Variants in CFAP20DC observed in about 807,000 individuals in gnomAD.
The protein encoded by CFAP20DC is protein CFAP20DC.
In CFAP20DC, 84 loss-of-function variants were observed where a neutral mutation model predicts 101.7. The ratio of observed to expected loss-of-function variants is 0.83; its 90% CI spans 0.69 to 0.99. The LOEUF (loss-of-function observed/expected upper bound fraction) is 0.99. CFAP20DC is among the 50% of genes least tolerant of loss of function. The pLI is 0.00. For synonymous variants in CFAP20DC, 359 were observed against 351.2 expected, an observed-to-expected ratio of 1.02 and a Z score of -0.25; for missense variants, 1,007 against 970.3, an observed-to-expected ratio of 1.04 and a Z score of -0.50.
intron 15 of CFAP20DC, among the ~76,000 whole-genome samples, chr3:58,802,849 T>C (rs1290248992): frequency 1.3e-5 from 2 of 152,160 alleles, no homozygotes; most frequent in Non-Finnish European, 2.9e-5. Context: ...TCTTTAATTT[T>C]AATCCTGCAC....
intron 4 of CFAP20DC, among the ~76,000 whole-genome samples, chr3:59,021,695 T>G (rs1385569809): frequency 1.3e-5 from 2 of 152,082 alleles, no homozygotes; most frequent in Non-Finnish European, 2.9e-5. Flanking sequence ...CAGCCATTAT[T>G]GTCCATATGC....
At chr3:58,801,631 A>AC (rs1230935377) in intron 15 of CFAP20DC, among the ~76,000 whole-genome samples, 7 of 152,100 alleles carry the variant, frequency 4.6e-5, no homozygotes, top group African/African-American at 1.7e-4. Flanking sequence ...GAGGAAAAAA[A>AC]AAAACAAAAC....
At chr3:58,812,895 T>A (rs1559629657) in intron 14 of CFAP20DC, among the ~76,000 whole-genome samples, 2 of 151,814 alleles carry the variant, frequency 1.3e-5, no homozygotes, top group Non-Finnish European at 2.9e-5. Context: ...TTTGTGGAAT[T>A]TTTATGCTGT....
intron 13 of CFAP20DC, among the ~76,000 whole-genome samples, chr3:58,833,338 G>A (rs2076525642): frequency 6.6e-6 from 1 of 152,076 alleles, no homozygotes; most frequent in Non-Finnish European, 1.5e-5. Flanking sequence ...TGCTTTCAGA[G>A]TTCTTGGGCC....
rs1412921061 is a variant in CFAP20DC at position 58,721,027 on chromosome 3, C to G, written c.198-3399G>C. On this transcript the variant is annotated intron_variant, in intron 3 of 3. Coordinates refer to the CFAP20DC transcript ENST00000486145. This position sits in a 1 kb window ranked among gnomAD's most constrained non-coding sequence, Gnocchi z 5.2. ...TCTCATTTCCTCAAGAAAACCTCCT[C>G]AGACTCCAAGGCTAGGTTAGGTTCC... Among the ~76,000 whole-genome samples the G allele has an allele frequency of 6.6e-6, 1 of 152,160 alleles. No homozygotes were observed. The highest frequency in any genetic ancestry group is 1.9e-4 in the East Asian group (1 of 5,176).
intron 15 of CFAP20DC, among the ~76,000 whole-genome samples, chr3:58,780,970 C>G (rs1053055049): frequency 6.6e-5 from 10 of 151,952 alleles, no homozygotes; most frequent in African/African-American, 2.4e-4. Context: ...TTTCATTCAA[C>G]AGCTACAGAA....
intron 4 of CFAP20DC, among the ~76,000 whole-genome samples, chr3:58,977,405 T>C (rs543730340): frequency 1.4e-4 from 21 of 152,198 alleles, no homozygotes; most frequent in African/African-American, 5.1e-4. Flanking sequence ...AATTAAAGGA[T>C]ATAAATTAAA....
intron 4 of CFAP20DC, among the ~76,000 whole-genome samples, chr3:59,008,770 T>G (rs2093504536): frequency 6.6e-6 from 1 of 151,658 alleles, no homozygotes; most frequent in Non-Finnish European, 1.5e-5. Context: ...AAATGACGAG[T>G]TAATGGGTGC....
At chr3:58,890,432 G>A (rs1175121616) in intron 6 of CFAP20DC, among the ~76,000 whole-genome samples, 3 of 144,924 alleles carry the variant, frequency 2.1e-5, no homozygotes, top group Non-Finnish European at 3.0e-5. Context: ...GGCCGGGCGG[G>A]GGGGCTGACC....
intron 3 of CFAP20DC, among the ~76,000 whole-genome samples, chr3:58,719,865 T>C (rs1468110525): frequency 2.6e-5 from 4 of 152,222 alleles, no homozygotes; most frequent in African/African-American, 9.6e-5. Flanking sequence ...CACTTGGCAC[T>C]CTGCCCATGC....
At chr3:58,771,024 G>A (rs1353307719) in intron 15 of CFAP20DC, among the ~76,000 whole-genome samples, 3 of 152,126 alleles carry the variant, frequency 2.0e-5, no homozygotes, top group Non-Finnish European at 4.4e-5. Flanking sequence ...ATGATAGACT[G>A]GATTAAGAAA....
chr3:58,773,811 CT>C (rs1179946118), intron 15 of CFAP20DC, among the ~76,000 whole-genome samples: 1 of 152,116 alleles, frequency 6.6e-6, no homozygotes, highest in Non-Finnish European at 1.5e-5. Context: ...AATGTCAGTT[CT>C]GTCTATTCAA....
intron 3 of CFAP20DC, among the ~76,000 whole-genome samples, chr3:59,040,240 G>T (rs1335539671): frequency 6.6e-6 from 1 of 151,936 alleles, no homozygotes; most frequent in Non-Finnish European, 1.5e-5. Flanking sequence ...AGAACTGATA[G>T]CTTTTATTCC....
intron 15 of CFAP20DC, among the ~76,000 whole-genome samples, chr3:58,778,281 T>C (rs1559577181): frequency 6.6e-6 from 1 of 152,168 alleles, no homozygotes; most frequent in South Asian, 2.1e-4. Flanking sequence ...GGGCAGATCT[T>C]CCCAGCCTGG....
chr3:58,954,858 C>T (rs977553103), intron 4 of CFAP20DC, among the ~76,000 whole-genome samples: 1 of 152,050 alleles, frequency 6.6e-6, no homozygotes, highest in Admixed American at 6.5e-5. Context: ...AAATTAATAA[C>T]TGGCACTCTT....
intron 15 of CFAP20DC, among the ~76,000 whole-genome samples, chr3:58,769,779 C>G (rs547443182): frequency 1.3e-5 from 2 of 152,168 alleles, no homozygotes; most frequent in East Asian, 1.9e-4. Flanking sequence ...GCGGGAAACA[C>G]GATGCATAAA....
At chr3:58,812,554 G>A (rs1352158039) in intron 14 of CFAP20DC, among the ~76,000 whole-genome samples, 1 of 151,448 alleles carries the variant, frequency 6.6e-6, no homozygotes, top group East Asian at 1.9e-4. Context: ...GGGGACTGTT[G>A]TGGGGTGGGG....
At chr3:58,887,327 A>T (rs940005850) in intron 6 of CFAP20DC, 1 of 152,206 alleles carries the variant, frequency 6.6e-6, no homozygotes, top group African/African-American at 2.4e-5. Context: ...AGATAGAAGA[A>T]GATAATTTCC....
At chr3:58,923,296 T>C (rs2085587870) in intron 5 of CFAP20DC, among the ~76,000 whole-genome samples, 1 of 152,218 alleles carries the variant, frequency 6.6e-6, no homozygotes, top group South Asian at 2.1e-4. Flanking sequence ...TTTAGCTATA[T>C]ATTTACCATT....
Sources: gnomAD v4.1 joint callset for allele counts (sites outside exome capture counted in the v4.1 genomes callset) on GRCh38, gnomAD v4.1.1 for gene constraint, Gnocchi (gnomAD v3.1) non-coding constraint, MANE v1.5 for transcripts, NCBI Gene and HGNC (gene_info 2026-07-23, HGNC 2026-07-21) for gene names.